NRCAM: variants seen among roughly 807,000 people sequenced by gnomAD.
NRCAM encodes NgCAM-related cell adhesion molecule.
A neutral mutation model predicts 156.5 loss-of-function variants in NRCAM; 83 were observed. The observed-to-expected ratio is 0.53, with a 90% CI of 0.44 to 0.64. NRCAM has a LOEUF of 0.64. Ranked by LOEUF, NRCAM falls within the 30% of genes least tolerant of loss-of-function variation. The pLI is 0.00. For synonymous variants in NRCAM, 538 were observed against 563.9 expected, an observed-to-expected ratio of 0.95 and a Z score of 0.65; for missense variants, 1,417 against 1,597.3, an observed-to-expected ratio of 0.89 and a Z score of 1.92.
intron 8 of NRCAM, among the ~76,000 whole-genome samples, chr7:108,227,631 T>G (rs2093687721): frequency 6.6e-6 from 1 of 152,146 alleles, no homozygotes; most frequent in Non-Finnish European, 1.5e-5. Flanking sequence ...GAGTTCACAC[T>G]TAGCCAGCTA....
intron 13 of NRCAM, among the ~76,000 whole-genome samples, chr7:108,198,402 T>A (rs984550657): frequency 2.6e-5 from 4 of 152,174 alleles, no homozygotes; most frequent in African/African-American, 4.8e-5. Context: ...ATCTTTTTTT[T>A]AATTATACTT....
At chr7:108,353,188 G>A (rs1335445873) in intron 2 of NRCAM, among the ~76,000 whole-genome samples, 3 of 152,088 alleles carry the variant, frequency 2.0e-5, no homozygotes, top group Admixed American at 2.0e-4. Flanking sequence ...TTCCAGTGCT[G>A]TGTTGGCCTT....
At chr7:108,452,804 C>T (rs191240814) in intron 1 of NRCAM, among the ~76,000 whole-genome samples, 1 of 152,154 alleles carries the variant, frequency 6.6e-6, no homozygotes, top group East Asian at 1.9e-4. Flanking sequence ...GGTAGGTACT[C>T]TTTGAAAATG....
At chr7:108,356,723 T>A (rs1041654259) in intron 2 of NRCAM, among the ~76,000 whole-genome samples, 1 of 152,172 alleles carries the variant, frequency 6.6e-6, no homozygotes, top group Non-Finnish European at 1.5e-5. Flanking sequence ...TAGAACTCCA[T>A]AGAGGTTGAC....
intron 5 of NRCAM, among the ~76,000 whole-genome samples, chr7:108,235,946 T>C (rs2094934628): frequency 6.6e-6 from 1 of 152,078 alleles, no homozygotes; most frequent in Admixed American, 6.6e-5. Context: ...TCTGGGAAAT[T>C]CCCCCAAGGC....
intron 2 of NRCAM, among the ~76,000 whole-genome samples, chr7:108,376,325 G>A (rs1299968603): frequency 1.3e-5 from 2 of 152,174 alleles, no homozygotes; most frequent in African/African-American, 4.8e-5. Flanking sequence ...GAGAACACCT[G>A]TTGTTCCTGC....
intron 3 of NRCAM, among the ~76,000 whole-genome samples, chr7:108,286,516 A>G (rs2098107639): frequency 6.6e-6 from 1 of 152,142 alleles, no homozygotes; most frequent in Non-Finnish European, 1.5e-5. Context: ...AAGGAATAGG[A>G]GAAAAGAAAA....
In NRCAM at chr7:108,381,942, A is replaced by G. The variant is rs13241967; in HGVS notation, c.-174+17494T>C. On this transcript the variant is annotated intron_variant, in intron 2 of 32. Coordinates refer to ENST00000379028, the MANE Select transcript of NRCAM (RefSeq NM_001037132.4). ...AGGTATGCTGGGCTCCTCTGTCTAT[A>G]GCCACCCCATTAAATAAGGAGAGAT... Among the ~76,000 whole-genome samples the G allele has an allele frequency of 1.8e-3, 270 of 152,272 alleles. 1 individual carries two copies. Among genetic ancestry groups the G allele is most frequent in the Non-Finnish European group, 3.1e-3 (210 of 68,032 alleles).
chr7:108,252,490 T>C (rs1282777237), intron 3 of NRCAM, among the ~76,000 whole-genome samples: 1 of 152,232 alleles, frequency 6.6e-6, no homozygotes, highest in African/African-American at 2.4e-5. Context: ...TTTTGAAAGA[T>C]CTGAATGTAT....
intron 11 of NRCAM, among the ~76,000 whole-genome samples, chr7:108,219,850 G>C (rs1453155297): frequency 3.3e-5 from 5 of 152,112 alleles, no homozygotes; most frequent in Admixed American, 2.0e-4. Context: ...GTCCTAGCCA[G>C]AGCAATCAGA....
intron 2 of NRCAM, among the ~76,000 whole-genome samples, chr7:108,345,417 T>C (rs2099345875): frequency 6.6e-6 from 1 of 152,174 alleles, no homozygotes; most frequent in Non-Finnish European, 1.5e-5. Context: ...AGGCATATCA[T>C]TACAAAATAG....
At chr7:108,436,295 A>G (rs1271930983) in intron 1 of NRCAM, among the ~76,000 whole-genome samples, 1 of 152,226 alleles carries the variant, frequency 6.6e-6, no homozygotes, top group Non-Finnish European at 1.5e-5. Flanking sequence ...AAGATTCTGA[A>G]TAAGATGTAA....
rs1266481820 is a variant in NRCAM at position 108,270,441 on chromosome 7, T to C, written c.-106-30271A>G. 2.6e-5 allele frequency among the ~76,000 whole-genome samples: 4 copies of C among 152,358 alleles called. No individual in the cohort carries two copies. The East Asian group carries it at 7.7e-4, about 29-fold the overall frequency. On this transcript the variant is annotated intron_variant, in intron 3 of 32. Coordinates refer to ENST00000379028, the MANE Select transcript of NRCAM (RefSeq NM_001037132.4). ...AGGGTTTCACAGTTAAATCTGAAAC[T>C]TAAAAGGGCTATTTATGCTGAATTT...
intron 5 of NRCAM, 51 bp from the exon 6 acceptor site, chr7:108,234,739 A>G: frequency 8.1e-7 from 1 of 1,238,922 alleles, no homozygotes; most frequent in East Asian, 2.3e-5. Context: ...TTAAAATCAT[A>G]ATAGTAGCCA....
intron 2 of NRCAM, among the ~76,000 whole-genome samples, chr7:108,387,672 G>A (rs927633999): frequency 1.1e-4 from 17 of 151,664 alleles, no homozygotes; most frequent in Non-Finnish European, 2.4e-4. Flanking sequence ...CCATTAACTC[G>A]TCATTTACAT....
intron 13 of NRCAM, 119 bp from the exon 14 acceptor site, chr7:108,198,218 G>A (rs1184893619): frequency 1.4e-6 from 1 of 693,438 alleles, no homozygotes; most frequent in Admixed American, 3.5e-5. Context: ...GTAAGAATAA[G>A]ACTAGAATTT....
At chr7:108,294,233 C>T (rs1388667609) in intron 3 of NRCAM, among the ~76,000 whole-genome samples, 1 of 112,916 alleles carries the variant, frequency 8.9e-6, no homozygotes, top group Non-Finnish European at 1.7e-5. Flanking sequence ...TTTTTTGAGA[C>T]AGCAGCTCTT....
At chr7:108,238,721 G>GCATTCCCACTC (rs2095314009) in intron 4 of NRCAM, among the ~76,000 whole-genome samples, 1 of 151,996 alleles carries the variant, frequency 6.6e-6, no homozygotes, top group Non-Finnish European at 1.5e-5. Context: ...GCTTACTTAG[G>GCATTCCCACTC]CATTCCCACT....
At chr7:108,171,115 C>T (rs1157981639) in intron 28 of NRCAM, among the ~76,000 whole-genome samples, 1 of 152,212 alleles carries the variant, frequency 6.6e-6, no homozygotes, top group African/African-American at 2.4e-5. Flanking sequence ...CATCCACCTT[C>T]TCACTCACAG....
Sources: gnomAD v4.1 joint callset for allele counts (sites outside exome capture counted in the v4.1 genomes callset) on GRCh38, gnomAD v4.1.1 for gene constraint, MANE v1.5 for transcripts, NCBI Gene and HGNC (gene_info 2026-07-23, HGNC 2026-07-21) for gene names.